CEP97: variants seen among roughly 807,000 people sequenced by gnomAD.
CEP97 encodes centrosomal protein of 97 kDa.
Under a neutral mutation model 73.1 loss-of-function variants are expected in CEP97, and 43 were observed. That is an observed-to-expected ratio of 0.59 (90% CI 0.46 to 0.76). CEP97 has a LOEUF of 0.76. Ranked by LOEUF, CEP97 falls within the 30% of genes least tolerant of loss-of-function variation. CEP97 has a pLI of 0.00. For synonymous variants in CEP97, 337 were observed against 370.0 expected (o/e 0.91, Z 1.02); for missense variants, 939 against 1,014.0 (o/e 0.93, Z 1.00).
intron 6 of CEP97, among the ~76,000 whole-genome samples, chr3:101,753,155 T>A (rs1484535438): frequency 6.6e-6 from 1 of 152,178 alleles, no homozygotes; most frequent in Non-Finnish European, 1.5e-5. Context: ...TTGCTAGAGG[T>A]CCACTCCAGA....
chr3:101,752,344 A>G (rs1299158327), intron 6 of CEP97, among the ~76,000 whole-genome samples: 2 of 151,948 alleles, frequency 1.3e-5, no homozygotes, highest in Non-Finnish European at 2.9e-5. Flanking sequence ...CCTTCATTTC[A>G]ACTTTGGTGA....
intron 6 of CEP97, among the ~76,000 whole-genome samples, chr3:101,741,106 CAG>C (rs1455737735): frequency 3.9e-5 from 6 of 152,156 alleles, no homozygotes; most frequent in Non-Finnish European, 8.8e-5. Context: ...ACAGACGCCT[CAG>C]AAATAACACC....
At chr3:101,756,951 C>T (rs1560019326) in intron 7 of CEP97, 112 bp from the exon 8 acceptor site, 1 of 950,756 alleles carries the variant, frequency 1.1e-6, no homozygotes, top group African/African-American at 1.7e-5. Flanking sequence ...ATTAAAAGTA[C>T]CTACTTTGAG....
intron 6 of CEP97, among the ~76,000 whole-genome samples, chr3:101,734,314 A>T (rs971324023): frequency 1.2e-4 from 19 of 152,194 alleles, no homozygotes; most frequent in African/African-American, 4.6e-4. Context: ...GAGGGAGTGG[A>T]ATTGGGATAG....
Position 101,757,639 on chromosome 3 carries a change from G to A in CEP97, c.1033G>A (p.Val345Ile), listed in dbSNP as rs753993583. ...DCQISQESEP[V>I]IQVNSWVGIN... ...TACTCTGTTGATTCTTCTAGAACCC[G>A]TCATTCAAGTGAATTCTTGGGTTGG... The change falls in exon 9 of 11, where the codon GTC (valine) becomes ATC (isoleucine). Residue 345 changes from valine (V) to isoleucine (I), a missense_variant. Val to Ile is a conservative substitution (Grantham distance 29). Transcript: ENST00000341893. 1.7e-5 allele frequency: 28 copies of A among 1,611,710 alleles called. No individual in the cohort carries two copies. Among genetic ancestry groups the A allele is most frequent in the African/African-American group, 4.0e-5 (3 of 74,882 alleles).
At chr3:101,736,422 C>T (rs564651591) in intron 6 of CEP97, among the ~76,000 whole-genome samples, 8 of 152,314 alleles carry the variant, frequency 5.3e-5, no homozygotes, top group African/African-American at 1.4e-4. Flanking sequence ...CTCCCAGCAA[C>T]GGTTGACAGA....
At chr3:101,760,137 G>A (rs1281010864) in intron 9 of CEP97, among the ~76,000 whole-genome samples, 1 of 151,804 alleles carries the variant, frequency 6.6e-6, no homozygotes, top group Non-Finnish European at 1.5e-5. Flanking sequence ...GGGAGCAGGA[G>A]CAGGTAAGGT....
chr3:101,744,787 C>G (rs1938564987), intron 6 of CEP97, among the ~76,000 whole-genome samples: 1 of 152,098 alleles, frequency 6.6e-6, no homozygotes, highest in Non-Finnish European at 1.5e-5. Flanking sequence ...TTGGCCTGAG[C>G]AGTGCTGAAA....
Position 101,765,072 on chromosome 3 carries a change from C to A in CEP97, c.2119C>A (p.Leu707Ile). Reference protein sequence around the residue: ...EFPDSGFHSSLTEQVHSLQHS... With the variant: ...EFPDSGFHSSITEQVHSLQHS... ...TCCAGACTCTGGTTTTCATTCCTCT[C>A]TAACAGAACAAGTTCATTCATTGCA... The change falls in exon 11 of 11, where the codon CTA becomes ATA. Residue 707 changes from leucine to isoleucine, a missense_variant. Coordinates refer to ENST00000341893, the MANE Select transcript of CEP97 (RefSeq NM_024548.4). 1 of 1,614,154 alleles carries A rather than the reference C, an allele frequency of 6.2e-7. No individual in the cohort carries two copies. Among genetic ancestry groups the A allele is most frequent in the Admixed American group, 1.7e-5 (1 of 60,022 alleles).
chr3:101,726,798 A>C, intron 2 of CEP97, 62 bp downstream of exon 2: 1 of 1,260,858 alleles, frequency 7.9e-7, no homozygotes, highest in Non-Finnish European at 1.1e-6. Flanking sequence ...CAAAACAATA[A>C]AATAACCTGA....
At position 101,757,881 on chromosome 3, in the gene CEP97, C is replaced by T; in HGVS notation, c.1275C>T (p.Gly425=). ...CTACAGTTGAGCTGAGGCTGCAGGG[C>T]ATTAACTTGGGCCTAGAAGATGATG... is the stretch of plus-strand genomic sequence containing the variant. ...LSPTVELRLQ[G]INLGLEDDGV... Residue 425 remains glycine, a synonymous_variant, in exon 9 of 11, where the codon GGC becomes GGT. Transcript: ENST00000341893. 6.2e-7 allele frequency: 1 copy of T among 1,614,216 alleles called. No homozygotes were observed. Among genetic ancestry groups the T allele is most frequent in the Non-Finnish European group, 8.5e-7 (1 of 1,180,044 alleles).
chr3:101,765,713 T>G lies in CEP97; in HGVS notation c.*162T>G. The stretch of plus-strand genomic sequence containing the variant: ...ATTTTTCAGATTCTAGATATTGAGC[T>G]GAGTTTTCATTTTGATTTTGTTAGC... On this transcript the variant is annotated 3_prime_UTR_variant, in exon 11 of 11. Transcript: ENST00000341893. 1.7e-6 allele frequency: 1 copy of G among 602,884 alleles called. No homozygotes were observed. The highest frequency in any genetic ancestry group is 2.8e-6 in the Non-Finnish European group (1 of 352,682). The allele number at this position is 602,884 out of a possible 1,614,324, so 37.3% of individuals were successfully genotyped here. A position where few individuals can be genotyped will look rare whatever the true frequency, so the allele number is the denominator to read the frequency against.
In CEP97 at chr3:101,757,047, T is replaced by C; in HGVS notation, c.894-16T>C. 1.3e-6 allele frequency: 2 copies of C among 1,596,276 alleles called. No homozygotes were observed. The highest frequency in any genetic ancestry group is 1.7e-6 in the Non-Finnish European group (2 of 1,174,716). The stretch of plus-strand genomic sequence containing the variant: ...TTGGTTTGTGTTAAATTAGACCAGG[T>C]ATTATTGATTTTTAGGTTTCACCAG... On this transcript the variant is annotated splice_polypyrimidine_tract_variant and intron_variant, in intron 7 of 10. Transcript: ENST00000341893.
In CEP97 at chr3:101,757,751, T is replaced by C. The variant is rs761031817; in HGVS notation, c.1145T>C (p.Leu382Pro). The change falls in exon 9 of 11, where the codon CTG (leucine) becomes CCG (proline). Residue 382 changes from leucine to proline, a missense_variant. Leu to Pro is a moderately conservative substitution (Grantham distance 98). Transcript: ENST00000341893. ...VHTTRYSRND[L>P]HLEDIQTDED... is the part of the protein sequence containing the mutation. Reference sequence around the variant, plus strand: ...ACTACGAGATATTCTCGAAATGATCTGCACCTGGAAGACATACAGACGGAT... The same window carrying C: ...ACTACGAGATATTCTCGAAATGATCCGCACCTGGAAGACATACAGACGGAT... The C allele has an allele frequency of 6.2e-7, 1 of 1,614,282 alleles. No individual in the cohort carries two copies. Among genetic ancestry groups the C allele is most frequent in the East Asian group, 2.2e-5 (1 of 44,894 alleles).
chr3:101,728,950 T>A lies in CEP97; in HGVS notation c.447+13T>A. ...GGTATCCCTGAAAGTAAGTATGTTTTCTTTGTCATTTGTGAAGTTTTATAG... is the reference window on the plus strand; with the variant it reads ...GGTATCCCTGAAAGTAAGTATGTTTACTTTGTCATTTGTGAAGTTTTATAG... On this transcript the variant is annotated intron_variant, in intron 4 of 10. Transcript: ENST00000341893. The A allele has an allele frequency of 7.3e-7, 1 of 1,374,360 alleles. No individual in the cohort carries two copies. Among genetic ancestry groups the A allele is most frequent in the Non-Finnish European group, 1.0e-6 (1 of 968,034 alleles). 85.1% of individuals were successfully genotyped at this position (1,374,360 alleles called of 1,614,324 possible).
chr3:101,727,677 A>G (rs374671662), intron 3 of CEP97, 136 bp downstream of exon 3: 4 of 638,184 alleles, frequency 6.3e-6, no homozygotes, highest in African/African-American at 5.6e-5. Flanking sequence ...TAAACTAAAA[A>G]TAAATCTCAT....
chr3:101,745,584 T>A (rs1160861846), intron 6 of CEP97, among the ~76,000 whole-genome samples: 3 of 151,596 alleles, frequency 2.0e-5, no homozygotes, highest in Non-Finnish European at 4.4e-5. Context: ...TTTTTTTTTT[T>A]AAAGGGATAT....
Position 101,766,072 on chromosome 3 carries a change from C to T in CEP97, c.*521C>T, listed in dbSNP as rs185942488. ...TTTTTAAAGCCTTTTTTCCTCCTTT[C>T]GGAGTCAAGGAAAGCCTTTCTATAA... On this transcript the variant is annotated 3_prime_UTR_variant, in exon 11 of 11. Coordinates refer to ENST00000341893, the MANE Select transcript of CEP97 (RefSeq NM_024548.4). 5.3e-5 allele frequency: 8 copies of T among 151,934 alleles called. No individual in the cohort carries two copies. The highest frequency in any genetic ancestry group is 1.9e-4 in the East Asian group (1 of 5,176). 9.4% of individuals were successfully genotyped at this position (151,934 alleles called of 1,614,324 possible).
chr3:101,739,263 C>T (rs78971176), intron 6 of CEP97, among the ~76,000 whole-genome samples: 3 of 152,150 alleles, frequency 2.0e-5, no homozygotes, highest in Non-Finnish European at 4.4e-5. Context: ...TGGTACTATT[C>T]CTTCTGAAAC....
Sources: allele counts gnomAD v4.1 joint callset (sites outside exome capture counted in the v4.1 genomes callset), GRCh38; gene constraint gnomAD v4.1.1; transcripts MANE v1.5; gene names NCBI Gene and HGNC (gene_info 2026-07-23, HGNC 2026-07-21).